Variants in CARM1 observed in about 807,000 individuals in gnomAD.
The protein encoded by CARM1 is histone-arginine methyltransferase CARM1.
In CARM1, 14 loss-of-function variants were observed where a neutral mutation model predicts 72.7. That is an observed-to-expected ratio of 0.19 (90% CI 0.13 to 0.30). CARM1 has a LOEUF of 0.30. CARM1 is among the 10% of genes least tolerant of loss of function. CARM1 has a pLI of 1.00. For missense variants in CARM1, 432 were observed against 833.7 expected, an observed-to-expected ratio of 0.52 and a Z score of 5.93; for synonymous variants, 333 against 345.5, an observed-to-expected ratio of 0.96 and a Z score of 0.40.
chr19:10,904,146 G>A (rs1042623593), intron 1 of CARM1, among the ~76,000 whole-genome samples: 1 of 152,238 alleles, frequency 6.6e-6, no homozygotes, highest in African/African-American at 2.4e-5. Flanking sequence ...ACATTGGCCT[G>A]TTCAAGGAGA....
chr19:10,899,911 G>A (rs1465488021), intron 1 of CARM1, among the ~76,000 whole-genome samples: 11 of 152,006 alleles, frequency 7.2e-5, no homozygotes, highest in Admixed American at 7.2e-4. Flanking sequence ...AGTAAAGACG[G>A]GGTTTTGCCA....
At chr19:10,887,853 C>T (rs1450957425) in intron 1 of CARM1, among the ~76,000 whole-genome samples, 1 of 152,096 alleles carries the variant, frequency 6.6e-6, no homozygotes, top group Non-Finnish European at 1.5e-5. Flanking sequence ...TGCCTCCGCT[C>T]CAGCCTCTCT....
intron 1 of CARM1, among the ~76,000 whole-genome samples, chr19:10,879,688 C>G (rs1243236071): frequency 6.6e-6 from 1 of 152,138 alleles, no homozygotes; most frequent in African/African-American, 2.4e-5. Flanking sequence ...TGTCATCTCA[C>G]TGCAACCTCT....
chr19:10,900,379 G>T (rs1017931943), intron 1 of CARM1, among the ~76,000 whole-genome samples: 2 of 152,100 alleles, frequency 1.3e-5, no homozygotes, highest in African/African-American at 2.4e-5. Flanking sequence ...CCCCATTCCT[G>T]CCTTCTCCCA....
rs575981998 is a variant in CARM1 at position 10,883,223 on chromosome 19, T to C, written c.220+11301T>C. Among the ~76,000 whole-genome samples the C allele has an allele frequency of 2.0e-5, 3 of 152,198 alleles. No individual in the cohort carries two copies. In the East Asian group the frequency reaches 5.8e-4, roughly 29 times the overall value. On this transcript the variant is annotated intron_variant, in intron 1 of 15. Transcript: ENST00000327064. ...TTCGAGGATTGGCCCACACCCAACA[T>C]AGGTGAATCCTTGGTCTCCTGAGCC...
intron 1 of CARM1, among the ~76,000 whole-genome samples, chr19:10,893,935 A>G (rs2074006079): frequency 6.6e-6 from 1 of 152,136 alleles, no homozygotes. Context: ...TTGATGCCAA[A>G]GCCCATCCTT....
At chr19:10,875,647 AT>A (rs1347344455) in intron 1 of CARM1, among the ~76,000 whole-genome samples, 1 of 152,006 alleles carries the variant, frequency 6.6e-6, no homozygotes, top group Non-Finnish European at 1.5e-5. Flanking sequence ...GATGGTCTCC[AT>A]CTCCTGACCT....
intron 1 of CARM1, among the ~76,000 whole-genome samples, chr19:10,876,525 C>A: frequency 6.6e-6 from 1 of 152,228 alleles, no homozygotes. Flanking sequence ...GACTTCCAGC[C>A]CTGTTCCTTG....
chr19:10,880,775 T>G (rs1037409916), intron 1 of CARM1, among the ~76,000 whole-genome samples: 1 of 152,210 alleles, frequency 6.6e-6, no homozygotes, highest in Non-Finnish European at 1.5e-5. Flanking sequence ...GCTGTGACTG[T>G]GGATGAGCCT....
chr19:10,886,141 C>T (rs2146310460), intron 1 of CARM1, among the ~76,000 whole-genome samples: 1 of 151,546 alleles, frequency 6.6e-6, no homozygotes, highest in South Asian at 2.1e-4. Flanking sequence ...ACCACAACCT[C>T]CACCTCCTGG....
intron 1 of CARM1, among the ~76,000 whole-genome samples, chr19:10,872,219 G>A (rs1299439405): frequency 3.3e-5 from 5 of 151,696 alleles, no homozygotes; most frequent in African/African-American, 1.2e-4. Context: ...GGGGGGCTCT[G>A]AGTGGAAGGG....
At position 10,896,695 on chromosome 19, in the gene CARM1, A is replaced by G. The variant is rs2074026463; in HGVS notation, c.221-8256A>G. ...CACCCCTGTTTCCCTGCGTTCCTGCACTCTTCCCCTTACTGGCATATCTGT... is the reference window on the plus strand; with the variant it reads ...CACCCCTGTTTCCCTGCGTTCCTGCGCTCTTCCCCTTACTGGCATATCTGT... On this transcript the variant is annotated intron_variant, in intron 1 of 15. Coordinates refer to ENST00000327064, the MANE Select transcript of CARM1 (RefSeq NM_199141.2). The surrounding 1 kb of genome is among the most constrained non-coding windows in gnomAD (Gnocchi z 5.2). Among the ~76,000 whole-genome samples the G allele has an allele frequency of 6.6e-6, 1 of 151,358 alleles. No individual in the cohort carries two copies. Among genetic ancestry groups the G allele is most frequent in the African/African-American group, 2.4e-5 (1 of 41,120 alleles).
At chr19:10,906,224 G>A (rs949086197) in intron 2 of CARM1, among the ~76,000 whole-genome samples, 20 of 152,106 alleles carry the variant, frequency 1.3e-4, no homozygotes, top group Non-Finnish European at 2.4e-4. Context: ...AACGTGCTGG[G>A]ATTACAGGCA....
chr19:10,921,520 C>T, intron 15 of CARM1, 77 bp downstream of exon 15: 1 of 1,568,056 alleles, frequency 6.4e-7, no homozygotes, highest in Non-Finnish European at 8.7e-7. Flanking sequence ...CGGCCGCCCG[C>T]CTGCCCTCTT....
At chr19:10,911,221 G>T (rs2074148133) in intron 4 of CARM1, among the ~76,000 whole-genome samples, 1 of 152,230 alleles carries the variant, frequency 6.6e-6, no homozygotes, top group Non-Finnish European at 1.5e-5. Context: ...ATGGGAGCCT[G>T]TTTTTTTCCT....
intron 1 of CARM1, among the ~76,000 whole-genome samples, chr19:10,901,122 A>G (rs1346581409): frequency 6.6e-6 from 1 of 151,818 alleles, no homozygotes; most frequent in East Asian, 1.9e-4. Context: ...AGCTGGGACT[A>G]CAGGCACCCA....
chr19:10,910,918 TCTCA>T (rs2074145190), intron 4 of CARM1, among the ~76,000 whole-genome samples: 1 of 151,278 alleles, frequency 6.6e-6, no homozygotes, highest in Admixed American at 6.6e-5. Context: ...TGAGACAGAT[TCTCA>T]CTCTGTCACC....
chr19:10,890,671 A>G (rs975553492), intron 1 of CARM1, among the ~76,000 whole-genome samples: 9 of 150,168 alleles, frequency 6.0e-5, no homozygotes, highest in Admixed American at 3.3e-4. Flanking sequence ...ATATGTGTAT[A>G]CGTATATACA....
chr19:10,916,853 A>G lies in CARM1; in HGVS notation c.1020+76A>G, dbSNP rs372143189. On this transcript the variant is annotated intron_variant, in intron 8 of 15. Coordinates refer to ENST00000327064, the MANE Select transcript of CARM1 (RefSeq NM_199141.2). The surrounding 1 kb of genome is among the most constrained non-coding windows in gnomAD (Gnocchi z 4.4). ...GCAGCTGTGCAGCCCTCAGGAAGCT[A>G]CAGCCCCTCTCTGAGCCCTCTCCTC... 494 of 1,146,420 alleles carry G rather than the reference A, an allele frequency of 4.3e-4. 4 individuals carry two copies. The East Asian group carries it at 0.011, about 25-fold the overall frequency. The allele number at this position is 1,146,420 out of a possible 1,614,324, so 71.0% of individuals were successfully genotyped here.
Sources: gnomAD v4.1 joint callset for allele counts (sites outside exome capture counted in the v4.1 genomes callset) on GRCh38, gnomAD v4.1.1 for gene constraint, Gnocchi (gnomAD v3.1) non-coding constraint, MANE v1.5 for transcripts, NCBI Gene and HGNC (gene_info 2026-07-23, HGNC 2026-07-21) for gene names.